Variants in GFRA1 observed in about 807,000 individuals in gnomAD.
GFRA1 encodes the protein GDNF family receptor alpha-1.
GFRA1 carries 16 observed loss-of-function variants against 51.6 expected under a neutral mutation model. That is an observed-to-expected ratio of 0.31 (90% CI 0.21 to 0.47). The LOEUF (loss-of-function observed/expected upper bound fraction) is 0.47, where lower values mean the gene tolerates loss of function less well. Ranked by LOEUF, GFRA1 falls within the 20% of genes least tolerant of loss-of-function variation. The pLI, the probability that GFRA1 is intolerant of heterozygous loss-of-function variation, is 1.00. For synonymous variants in GFRA1, 270 were observed against 241.3 expected (o/e 1.12, Z -1.10); for missense variants, 530 against 594.3 (o/e 0.89, Z 1.13).
intron 5 of GFRA1, among the ~76,000 whole-genome samples, chr10:116,146,306 T>A (rs1302907339): frequency 1.3e-5 from 2 of 152,226 alleles, no homozygotes; most frequent in Non-Finnish European, 2.9e-5. Context: ...AAATATGATG[T>A]GTTTATAATT....
intron 9 of GFRA1, among the ~76,000 whole-genome samples, chr10:116,067,706 T>G (rs1425330732): frequency 6.6e-5 from 10 of 152,134 alleles, no homozygotes; most frequent in African/African-American, 2.4e-4. Context: ...TCTTAACAGG[T>G]TTTCTTAAGT....
rs56684075 is a variant in GFRA1, at chr10:116,165,665, T to TCACACACACACACACACACACACA, written c.434-40109_434-40108insTGTGTGTGTGTGTGTGTGTGTGTG. Reference sequence around the variant, plus strand: ...CTTTCATGTGCTCTTTCTCTCACTCTCACACACACACACACACACACACTC... The same window carrying TCACACACACACACACACACACACA: ...CTTTCATGTGCTCTTTCTCTCACTCTCACACACACACACACACACACACACACACACACACACACACACACACTC... On this transcript the variant is annotated intron_variant, in intron 5 of 10. Coordinates refer to ENST00000355422, the MANE Select transcript of GFRA1 (RefSeq NM_005264.8). Among the ~76,000 whole-genome samples the TCACACACACACACACACACACACA allele has an allele frequency of 1.7e-4, 25 of 149,554 alleles. 1 individual carries two copies. Among genetic ancestry groups the TCACACACACACACACACACACACA allele is most frequent in the African/African-American group, 5.7e-4 (23 of 40,314 alleles).
intron 6 of GFRA1, among the ~76,000 whole-genome samples, chr10:116,102,186 T>C: frequency 6.6e-6 from 1 of 152,186 alleles, no homozygotes; most frequent in East Asian, 1.9e-4. Context: ...CCATAATGGC[T>C]CTGAAGGGTA....
chr10:116,244,800 G>C (rs1207514801), intron 4 of GFRA1, among the ~76,000 whole-genome samples: 1 of 151,944 alleles, frequency 6.6e-6, no homozygotes, highest in Non-Finnish European at 1.5e-5. Context: ...TTAGAAGAGG[G>C]TAATTGCAAA....
At chr10:116,146,642 C>T (rs1958812431) in intron 5 of GFRA1, among the ~76,000 whole-genome samples, 2 of 152,176 alleles carry the variant, frequency 1.3e-5, no homozygotes, top group East Asian at 3.9e-4. Context: ...AATAACTTAG[C>T]AATACACAGA....
At chr10:116,096,482 CT>C (rs936361616) in intron 7 of GFRA1, among the ~76,000 whole-genome samples, 172 bp downstream of exon 7, 17 of 101,414 alleles carry the variant, frequency 1.7e-4, no homozygotes, top group African/African-American at 3.3e-4. Context: ...TTTTTTTCTT[CT>C]TTTTTTTTTC....
chr10:116,166,568 C>A (rs908588094), intron 5 of GFRA1, among the ~76,000 whole-genome samples: 1 of 152,056 alleles, frequency 6.6e-6, no homozygotes, highest in Non-Finnish European at 1.5e-5. Flanking sequence ...TTCCCCCGGC[C>A]GTGCAGCCTC....
intron 4 of GFRA1, among the ~76,000 whole-genome samples, chr10:116,253,294 C>T (rs982745140): frequency 2.6e-5 from 4 of 152,240 alleles, no homozygotes; most frequent in African/African-American, 9.6e-5. Context: ...TCCAGTCAGC[C>T]AGGGCAGGCA....
In GFRA1 at chr10:116,093,767, T is replaced by G. The variant is rs139357881; in HGVS notation, c.950A>C (p.Asn317Thr). The change falls in exon 8 of 11, where the codon AAC becomes ACC. Residue 317 changes from asparagine (N) to threonine (T), a missense_variant. Transcript: ENST00000355422. ...GCACTCTTCTAGGTCGTTCCCACTG[T>G]TGCTGCAGTCACACCATGGGGCCAC... is the stretch of plus-strand genomic sequence containing the variant. Reference protein sequence around the residue: ...LSVAPWCDCSNSGNDLEECLK... With the variant: ...LSVAPWCDCSTSGNDLEECLK... 4 of 1,613,628 alleles carry G rather than the reference T, an allele frequency of 2.5e-6. No individual in the cohort carries two copies. In the East Asian group the frequency reaches 8.9e-5, roughly 36 times the overall value.
intron 5 of GFRA1, among the ~76,000 whole-genome samples, chr10:116,174,130 C>T (rs1247683077): frequency 2.0e-5 from 2 of 100,740 alleles, no homozygotes; most frequent in Admixed American, 1.2e-4. Context: ...GTCTTTTCAA[C>T]AAATTAGGCC....
intron 6 of GFRA1, among the ~76,000 whole-genome samples, chr10:116,100,269 A>G (rs573546117): frequency 2.0e-5 from 3 of 152,346 alleles, no homozygotes; most frequent in African/African-American, 4.8e-5. Flanking sequence ...ACATGTATTC[A>G]TACATTGGAT....
intron 5 of GFRA1, among the ~76,000 whole-genome samples, chr10:116,183,671 C>T (rs1962439228): frequency 6.6e-6 from 1 of 152,132 alleles, no homozygotes; most frequent in South Asian, 2.1e-4. Flanking sequence ...GGTTGGGACA[C>T]TTGGTCTTCT....
chr10:116,237,626 A>G (rs1196981611), intron 4 of GFRA1, among the ~76,000 whole-genome samples: 1 of 150,776 alleles, frequency 6.6e-6, no homozygotes, highest in African/African-American at 2.4e-5. Flanking sequence ...TTTCTTCGAT[A>G]CTTCCTGTTC....
intron 5 of GFRA1, among the ~76,000 whole-genome samples, chr10:116,181,052 C>T (rs1001508806): frequency 1.3e-5 from 2 of 152,136 alleles, no homozygotes; most frequent in African/African-American, 2.4e-5. Flanking sequence ...ATTTTGATGA[C>T]GCTCTTGAGG....
intron 6 of GFRA1, among the ~76,000 whole-genome samples, chr10:116,122,466 C>G (rs1957686822): frequency 6.6e-6 from 1 of 152,246 alleles, no homozygotes; most frequent in African/African-American, 2.4e-5. Flanking sequence ...GCCTGAGGCC[C>G]TAGACATCAC....
intron 3 of GFRA1, 125 bp from the exon 4 acceptor site, chr10:116,269,711 G>C (rs1382167674): frequency 1.4e-6 from 1 of 702,674 alleles, no homozygotes; most frequent in East Asian, 2.7e-5. Flanking sequence ...AACTTTGAAA[G>C]ATTTCAAATG....
chr10:116,089,969 C>T (rs376075110), intron 8 of GFRA1, 47 bp from the exon 9 acceptor site: 493 of 1,522,096 alleles, frequency 3.2e-4, no homozygotes, highest in South Asian at 1.1e-3. Context: ...AAGCAGCAAA[C>T]GTAACAGACA....
At chr10:116,246,435 A>T (rs1274545059) in intron 4 of GFRA1, among the ~76,000 whole-genome samples, 1 of 152,212 alleles carries the variant, frequency 6.6e-6, no homozygotes, top group African/African-American at 2.4e-5. Context: ...CCGTCTCTAA[A>T]TAAATAAATG....
chr10:116,079,404 C>T (rs1297761518), intron 9 of GFRA1, among the ~76,000 whole-genome samples: 3 of 152,096 alleles, frequency 2.0e-5, no homozygotes, highest in African/African-American at 4.8e-5. Context: ...CACCAGTTTA[C>T]ACTTATATCT....
Sources: allele counts gnomAD v4.1 joint callset (sites outside exome capture counted in the v4.1 genomes callset), GRCh38; gene constraint gnomAD v4.1.1; transcripts MANE v1.5; gene names NCBI Gene and HGNC (gene_info 2026-07-23, HGNC 2026-07-21).